Variants in GSE1 observed in about 807,000 individuals in gnomAD.
GSE1 encodes Gse1 coiled-coil protein.
GSE1 carries 32 observed loss-of-function variants against 112.6 expected under a neutral mutation model. That is an observed-to-expected ratio of 0.28 (90% confidence interval 0.21 to 0.38). The LOEUF is 0.38. GSE1 is among the 10% of genes least tolerant of loss of function. The pLI is 1.00. For synonymous variants in GSE1, 1,115 were observed against 735.6 expected, an observed-to-expected ratio of 1.52 and a Z score of -8.35; for missense variants, 2,348 against 1,699.2, an observed-to-expected ratio of 1.38 and a Z score of -6.71.
chr16:85,432,233 C>T (rs1404012810), intron 2 of GSE1, among the ~76,000 whole-genome samples: 2 of 152,248 alleles, frequency 1.3e-5, no homozygotes, highest in Admixed American at 6.5e-5. Flanking sequence ...TTGGCCAAGA[C>T]GGGCACGCCC....
At chr16:85,333,922 G>A (rs944155363) in intron 1 of GSE1, among the ~76,000 whole-genome samples, 5 of 152,182 alleles carry the variant, frequency 3.3e-5, no homozygotes, top group African/African-American at 7.2e-5. Flanking sequence ...GGGATGTCCC[G>A]TGCATGGCAG....
At chr16:85,394,497 C>T (rs568944361) in intron 2 of GSE1, among the ~76,000 whole-genome samples, 1 of 152,100 alleles carries the variant, frequency 6.6e-6, no homozygotes, top group African/African-American at 2.4e-5. Flanking sequence ...CTCGGATGAG[C>T]GGCTTGAGGG....
At chr16:85,316,229 A>C (rs1174935004) in intron 1 of GSE1, among the ~76,000 whole-genome samples, 1 of 152,266 alleles carries the variant, frequency 6.6e-6, no homozygotes, top group Non-Finnish European at 1.5e-5. Context: ...AAAGCAGGTG[A>C]AATTTATTTT....
At chr16:85,605,851 C>G (rs758470084) in intron 1 of GSE1, among the ~76,000 whole-genome samples, 1 of 151,906 alleles carries the variant, frequency 6.6e-6, no homozygotes, top group Non-Finnish European at 1.5e-5. Flanking sequence ...AAACAGCAGG[C>G]TGGGCTCATG....
At chr16:85,441,213 T>G (rs2049367574) in intron 2 of GSE1, among the ~76,000 whole-genome samples, 1 of 152,110 alleles carries the variant, frequency 6.6e-6, no homozygotes, top group East Asian at 1.9e-4. Context: ...TGTAGGACGT[T>G]TAGCACCATC....
chr16:85,359,731 G>A (rs970543344), intron 2 of GSE1, among the ~76,000 whole-genome samples: 1 of 152,214 alleles, frequency 6.6e-6, no homozygotes, highest in Admixed American at 6.5e-5. Context: ...TAGTGAGCGA[G>A]GGGGATGGGG....
At chr16:85,390,557 G>C (rs11149741) in intron 2 of GSE1, among the ~76,000 whole-genome samples, 42,985 of 152,038 alleles carry the variant, frequency 0.28, 6,823 homozygotes, top group East Asian at 0.57. Context: ...AAAGGTGTCG[G>C]GCTTTATGTC....
exon 1 of GSE1, chr16:85,170,092 C>T: frequency 1.0e-6 from 1 of 985,082 alleles, no homozygotes; most frequent in Non-Finnish European, 1.2e-6. Context: ...CCCGCCCGCG[C>T]GGGACGCCGC....
chr16:85,625,972 T>G (rs1264348187), intron 1 of GSE1, among the ~76,000 whole-genome samples: 1 of 151,926 alleles, frequency 6.6e-6, no homozygotes, highest in Admixed American at 6.6e-5. Context: ...CCCACCTGCT[T>G]GTGTTTTCTC....
At chr16:85,599,817 T>C (rs1010733621) in intron 1 of GSE1, among the ~76,000 whole-genome samples, 8 of 152,222 alleles carry the variant, frequency 5.3e-5, no homozygotes, top group African/African-American at 1.7e-4. Flanking sequence ...GGAGGATTAC[T>C]TGAGCCCAGG....
chr16:85,464,932 T>A (rs1288069442), intron 2 of GSE1, among the ~76,000 whole-genome samples: 1 of 152,198 alleles, frequency 6.6e-6, no homozygotes, highest in African/African-American at 2.4e-5. Context: ...TCAGTCCTCA[T>A]GGCAGCATCA....
At chr16:85,328,568 C>G (rs1251035104) in intron 1 of GSE1, among the ~76,000 whole-genome samples, 2 of 152,214 alleles carry the variant, frequency 1.3e-5, no homozygotes, top group East Asian at 3.9e-4. Context: ...GCTTCCCAAG[C>G]AACAGAGAGG....
At chr16:85,589,088 C>G (rs1598294878) in intron 1 of GSE1, among the ~76,000 whole-genome samples, 1 of 152,132 alleles carries the variant, frequency 6.6e-6, no homozygotes, top group East Asian at 1.9e-4. Flanking sequence ...CCCGGGATCC[C>G]CGTGTACCCG....
At chr16:85,324,392 C>T (rs182894352) in intron 1 of GSE1, among the ~76,000 whole-genome samples, 81 of 152,018 alleles carry the variant, frequency 5.3e-4, no homozygotes, top group African/African-American at 1.9e-3. Flanking sequence ...TGCCTGTAAT[C>T]GCAGCTACTT....
intron 2 of GSE1, among the ~76,000 whole-genome samples, chr16:85,538,189 C>A (rs1220155628): frequency 1.3e-5 from 2 of 152,342 alleles, no homozygotes; most frequent in East Asian, 3.9e-4. Context: ...CTAGAGCCAC[C>A]TGTGGCCGCC....
upstream of GSE1, among the ~76,000 whole-genome samples, chr16:85,608,302 G>C (rs1317650261): frequency 6.6e-6 from 1 of 152,126 alleles, no homozygotes; most frequent in African/African-American, 2.4e-5. Context: ...GTGCCCCCCG[G>C]ATTCAGTGCA....
At chr16:85,507,194 G>A (rs989232990) in intron 2 of GSE1, among the ~76,000 whole-genome samples, 1 of 152,222 alleles carries the variant, frequency 6.6e-6, no homozygotes, top group Non-Finnish European at 1.5e-5. Context: ...TCCTATCCAT[G>A]TATTCATCTA....
upstream of GSE1, chr16:85,613,244 C>T (rs997625651): frequency 2.9e-5 from 44 of 1,519,360 alleles, no homozygotes; most frequent in East Asian, 7.9e-5. Context: ...GCAGGTGTTT[C>T]TTGGCCGGGG....
At chr16:85,313,455 C>G (rs1375765523) in intron 1 of GSE1, among the ~76,000 whole-genome samples, 1 of 152,198 alleles carries the variant, frequency 6.6e-6, no homozygotes, top group Non-Finnish European at 1.5e-5. Context: ...GGCCTCCTCT[C>G]TTGCAGACAA....
Sources: allele counts gnomAD v4.1 joint callset (sites outside exome capture counted in the v4.1 genomes callset), GRCh38; gene constraint gnomAD v4.1.1; transcripts MANE v1.5; gene names NCBI Gene and HGNC (gene_info 2026-07-23, HGNC 2026-07-21).